CCDC169: variants seen among roughly 807,000 people sequenced by gnomAD.
The protein encoded by CCDC169 is coiled-coil domain containing 169.
A neutral mutation model predicts 36.0 loss-of-function variants in CCDC169; 30 were observed. The observed-to-expected ratio is 0.83, with a 90% CI of 0.62 to 1.13. CCDC169 has a LOEUF of 1.13. CCDC169 is among the 50% of genes most tolerant of loss of function. CCDC169 has a pLI of 0.00. For synonymous variants in CCDC169, 85 were observed against 81.5 expected (o/e 1.04, Z -0.23); for missense variants, 245 against 245.9 (o/e 1.00, Z 0.03).
At chr13:36,254,590 T>C (rs1207998199) in intron 4 of CCDC169, among the ~76,000 whole-genome samples, 1 of 152,076 alleles carries the variant, frequency 6.6e-6, no homozygotes, top group Non-Finnish European at 1.5e-5. Context: ...GTGTACTTTT[T>C]AAGTAATAGT....
chr13:36,230,615 C>A (rs573735638), downstream of CCDC169, among the ~76,000 whole-genome samples: 266 of 152,246 alleles, frequency 1.7e-3, 3 homozygotes, highest in Middle Eastern at 0.02. Flanking sequence ...TTGCTTCAAT[C>A]ATTTTACAGG....
At chr13:36,287,647 C>T (rs527774015) in intron 2 of CCDC169, among the ~76,000 whole-genome samples, 22 of 152,146 alleles carry the variant, frequency 1.4e-4, no homozygotes, top group Middle Eastern at 3.2e-3. Context: ...AGTCCAAATG[C>T]TTTTCAAGTG....
At chr13:36,265,194 C>T (rs1875118584) in intron 4 of CCDC169, among the ~76,000 whole-genome samples, 1 of 152,116 alleles carries the variant, frequency 6.6e-6, no homozygotes, top group Admixed American at 6.5e-5. Context: ...GTCTGTTTAT[C>T]CAGATTTCAG....
intron 7 of CCDC169, among the ~76,000 whole-genome samples, chr13:36,245,860 T>G (rs1418040518): frequency 6.6e-6 from 1 of 152,226 alleles, no homozygotes; most frequent in Non-Finnish European, 1.5e-5. Flanking sequence ...ATTTTTCCAA[T>G]GGCATATGTT....
chr13:36,238,520 T>C lies in CCDC169; in HGVS notation c.546-7228A>G, dbSNP rs139435330. On this transcript the variant is annotated intron_variant, in intron 7 of 7. Transcript: ENST00000239859. ...CATTTCCTGTTAAAATTTTCTTTAG[T>C]TTATTAATCATGTTTAAAAATGATT... Among the ~76,000 whole-genome samples, 204 of 152,338 alleles carry C rather than the reference T, an allele frequency of 1.3e-3. 1 individual carries two copies. Among genetic ancestry groups the C allele is most frequent in the African/African-American group, 4.7e-3 (195 of 41,588 alleles).
downstream of CCDC169, chr13:36,226,248 C>T (rs1869870743): frequency 6.6e-6 from 1 of 152,188 alleles, no homozygotes; most frequent in Non-Finnish European, 1.5e-5. Context: ...AGTTCCCAAC[C>T]CTTTTGACAC....
chr13:36,244,941 G>A (rs1328654), intron 7 of CCDC169, among the ~76,000 whole-genome samples: 61,585 of 151,764 alleles, frequency 0.41, 13,263 homozygotes, highest in Non-Finnish European at 0.48. Flanking sequence ...TTCCAATAAT[G>A]AAAATGTATA....
intron 2 of CCDC169, among the ~76,000 whole-genome samples, chr13:36,292,283 C>T (rs551703463): frequency 1.1e-4 from 16 of 152,204 alleles, no homozygotes; most frequent in African/African-American, 2.6e-4. Context: ...TGTGAACTGC[C>T]GCACCTGGCC....
intron 2 of CCDC169, among the ~76,000 whole-genome samples, chr13:36,295,035 T>C (rs556511900): frequency 6.6e-6 from 1 of 152,298 alleles, no homozygotes; most frequent in Non-Finnish European, 1.5e-5. Flanking sequence ...GTCTCCTCCC[T>C]TATAAATGCC....
chr13:36,275,082 A>T lies in CCDC169; in HGVS notation c.315+8387T>A, dbSNP rs1876608904. The stretch of plus-strand genomic sequence containing the variant: ...ACGGGGTTTCACCGTGTTAGCCAGG[A>T]TGGTCTCGATCTATGACCTCGTGAT... On this transcript the variant is annotated intron_variant, in intron 4 of 7. Transcript: ENST00000239859. Among the ~76,000 whole-genome samples, 4 of 151,986 alleles carry T rather than the reference A, an allele frequency of 2.6e-5. No individual in the cohort carries two copies. The South Asian group carries it at 6.2e-4, about 24-fold the overall frequency.
intron 4 of CCDC169, among the ~76,000 whole-genome samples, chr13:36,257,646 T>C (rs983193688): frequency 2.0e-5 from 3 of 150,924 alleles, no homozygotes; most frequent in Admixed American, 6.6e-5. Context: ...GGGGTTGTAG[T>C]GAGCCAAGAT....
downstream of CCDC169, among the ~76,000 whole-genome samples, chr13:36,229,183 A>G (rs967464481): frequency 6.6e-6 from 1 of 152,200 alleles, no homozygotes; most frequent in African/African-American, 2.4e-5. Context: ...CAGTAATTAT[A>G]AAGGATAAAA....
chr13:36,281,343 C>A (rs1000149179), intron 4 of CCDC169: 1 of 420,696 alleles, frequency 2.4e-6, no homozygotes, highest in Non-Finnish European at 4.6e-6. Flanking sequence ...CCAAATGCAA[C>A]CCTTGATACA....
intron 6 of CCDC169, among the ~76,000 whole-genome samples, chr13:36,250,388 G>A (rs1414331761): frequency 6.6e-6 from 1 of 152,144 alleles, no homozygotes; most frequent in Non-Finnish European, 1.5e-5. Flanking sequence ...GATCCTCTGG[G>A]TAATGCAAAC....
chr13:36,266,423 T>G (rs1875327218), intron 4 of CCDC169, among the ~76,000 whole-genome samples: 1 of 152,138 alleles, frequency 6.6e-6, no homozygotes, highest in South Asian at 2.1e-4. Flanking sequence ...CTCCAGATCC[T>G]TAGGGGCACC....
chr13:36,248,762 T>C, intron 6 of CCDC169, 80 bp from the exon 7 acceptor site: 1 of 1,300,954 alleles, frequency 7.7e-7, no homozygotes, highest in South Asian at 1.3e-5. Flanking sequence ...AATTCTCAAT[T>C]AACTCTCCCA....
chr13:36,272,031 G>A (rs1876130880), intron 4 of CCDC169, among the ~76,000 whole-genome samples: 2 of 150,716 alleles, frequency 1.3e-5, no homozygotes, highest in Admixed American at 1.3e-4. Flanking sequence ...GTTGCAGTGA[G>A]CCGAGATTGC....
In CCDC169 at chr13:36,230,806, T is replaced by G. The variant is rs1257736809; in HGVS notation, c.*387A>C. 1 of 988,332 alleles carries G rather than the reference T, an allele frequency of 1.0e-6. No homozygotes were observed. Among genetic ancestry groups the G allele is most frequent in the Admixed American group, 6.1e-5 (1 of 16,428 alleles). The allele number at this position is 988,332 out of a possible 1,614,324, so 61.2% of individuals were successfully genotyped here. ...TGTTTAAACCTGCAATTTAAAAAAC[T>G]GAGCAAGATCCAGCCCAAAATGGCA... is the stretch of plus-strand genomic sequence containing the variant. On this transcript the variant is annotated 3_prime_UTR_variant, in exon 8 of 8. Transcript: ENST00000239859.
intron 4 of CCDC169, among the ~76,000 whole-genome samples, chr13:36,261,243 T>C (rs1874568986): frequency 1.3e-5 from 2 of 152,138 alleles, no homozygotes; most frequent in South Asian, 4.1e-4. Flanking sequence ...ATGGCGACTT[T>C]GCATTGGCTC....
Sources: gnomAD v4.1 joint callset for allele counts (sites outside exome capture counted in the v4.1 genomes callset) on GRCh38, gnomAD v4.1.1 for gene constraint, MANE v1.5 for transcripts, NCBI Gene and HGNC (gene_info 2026-07-23, HGNC 2026-07-21) for gene names.